The following ANO3 variants were observed in gnomAD, a reference collection of about 807,000 sequenced individuals.
The protein encoded by ANO3 is anoctamin 3, also known as anoctamin-3.
Under a neutral mutation model 144.8 loss-of-function variants are expected in ANO3, and 99 were observed. The observed-to-expected ratio is 0.68, with a 90% CI of 0.58 to 0.81. ANO3 has a LOEUF of 0.81. Ranked by LOEUF, ANO3 falls within the 30% of genes least tolerant of loss-of-function variation. ANO3 has a pLI of 0.00. For synonymous variants in ANO3, 414 were observed against 392.6 expected (o/e 1.05, Z -0.64); for missense variants, 905 against 1,202.2 (o/e 0.75, Z 3.66).
At chr11:26,487,218 T>C (rs1860487029) in intron 4 of ANO3, among the ~76,000 whole-genome samples, 1 of 152,220 alleles carries the variant, frequency 6.6e-6, no homozygotes, top group Non-Finnish European at 1.5e-5. Flanking sequence ...GGGGCCAGTC[T>C]TTCCCACGCT....
At chr11:26,215,935 C>T (rs1365767202) in intron 1 of ANO3, among the ~76,000 whole-genome samples, 2 of 151,892 alleles carry the variant, frequency 1.3e-5, no homozygotes, top group African/African-American at 4.8e-5. Flanking sequence ...TTAACCCATA[C>T]CCCCATTCAA....
At chr11:26,471,892 C>A (rs1247093697) in intron 4 of ANO3, among the ~76,000 whole-genome samples, 1 of 151,964 alleles carries the variant, frequency 6.6e-6, no homozygotes, top group Non-Finnish European at 1.5e-5. Context: ...ATAGAGGTTT[C>A]TCGAATCACC....
At chr11:26,501,583 A>G (rs1861195546) in intron 4 of ANO3, among the ~76,000 whole-genome samples, 1 of 152,100 alleles carries the variant, frequency 6.6e-6, no homozygotes, top group South Asian at 2.1e-4. Context: ...ATCAGTAATC[A>G]AGAATATTCT....
chr11:26,599,052 A>G (rs1267829800), intron 16 of ANO3, 54 bp downstream of exon 16: 5 of 1,565,278 alleles, frequency 3.2e-6, no homozygotes, highest in Non-Finnish European at 4.4e-6. Context: ...TTTAGAAGTA[A>G]GTTCAATGAT....
intron 1 of ANO3, among the ~76,000 whole-genome samples, chr11:26,438,268 AG>A (rs1266045237): frequency 1.3e-5 from 2 of 152,210 alleles, no homozygotes; most frequent in Non-Finnish European, 2.9e-5. Context: ...CCTGACCAAA[AG>A]CATGAACTAT....
chr11:26,534,314 T>C (rs975247278), intron 8 of ANO3, 142 bp from the exon 9 acceptor site: 1 of 545,618 alleles, frequency 1.8e-6, no homozygotes, highest in African/African-American at 1.9e-5. Context: ...GAATTCTTTT[T>C]CTCTGTCAAT....
chr11:26,234,660 A>G (rs1852475725), intron 1 of ANO3, among the ~76,000 whole-genome samples: 1 of 152,180 alleles, frequency 6.6e-6, no homozygotes, highest in African/African-American at 2.4e-5. Flanking sequence ...TGTATGACCT[A>G]TACTCACCAT....
intron 1 of ANO3, among the ~76,000 whole-genome samples, chr11:26,275,946 G>C (rs1476583066): frequency 2.6e-5 from 4 of 152,058 alleles, no homozygotes; most frequent in African/African-American, 9.7e-5. Flanking sequence ...TGTATTCACT[G>C]TCATTTGTTC....
upstream of ANO3, among the ~76,000 whole-genome samples, chr11:26,306,888 G>A (rs1854396792): frequency 7.0e-6 from 1 of 143,102 alleles, no homozygotes; most frequent in South Asian, 2.2e-4. Flanking sequence ...GGTAATTTGA[G>A]GTTTCTTTTG....
At chr11:26,630,547 AT>A (rs1421286531) in intron 18 of ANO3, among the ~76,000 whole-genome samples, 1 of 65,480 alleles carries the variant, frequency 1.5e-5, no homozygotes, top group Non-Finnish European at 4.4e-5. Context: ...TGTAGCTTTT[AT>A]TATCACACAG....
At chr11:26,492,880 G>A (rs1860765876) in intron 4 of ANO3, among the ~76,000 whole-genome samples, 1 of 152,164 alleles carries the variant, frequency 6.6e-6, no homozygotes, top group Non-Finnish European at 1.5e-5. Flanking sequence ...TGCTAGTTAA[G>A]AAGCAAAACC....
chr11:26,630,991 T>C (rs1014030643), intron 18 of ANO3, among the ~76,000 whole-genome samples: 2 of 151,910 alleles, frequency 1.3e-5, no homozygotes, highest in African/African-American at 4.8e-5. Flanking sequence ...TTTTTTTAGT[T>C]AATGCACTGG....
intron 1 of ANO3, among the ~76,000 whole-genome samples, chr11:26,243,387 A>G (rs1370069557): frequency 6.6e-6 from 1 of 151,850 alleles, no homozygotes; most frequent in African/African-American, 2.4e-5. Flanking sequence ...TTGCAAGAAT[A>G]GAAGCTTTGA....
At chr11:26,241,997 G>A (rs1380150249) in intron 1 of ANO3, among the ~76,000 whole-genome samples, 7 of 152,094 alleles carry the variant, frequency 4.6e-5, no homozygotes, top group African/African-American at 1.4e-4. Flanking sequence ...GTAACAGAGA[G>A]GATATAACAT....
chr11:26,624,723 T>G (rs1041263362), intron 18 of ANO3, among the ~76,000 whole-genome samples: 8 of 152,180 alleles, frequency 5.3e-5, no homozygotes, highest in African/African-American at 1.9e-4. Flanking sequence ...GCACACCTAG[T>G]TCTTCCTACT....
chr11:26,343,976 A>C (rs1855431315), intron 1 of ANO3, among the ~76,000 whole-genome samples: 1 of 152,238 alleles, frequency 6.6e-6, no homozygotes, highest in Admixed American at 6.5e-5. Context: ...ATTCAAATTT[A>C]ACACACTTTC....
chr11:26,210,082 T>C (rs1851901390), intron 1 of ANO3, among the ~76,000 whole-genome samples: 3 of 152,170 alleles, frequency 2.0e-5, no homozygotes, highest in Admixed American at 1.3e-4. Context: ...CTGAATGGTA[T>C]TGACTAGGTT....
chr11:26,615,474 G>A (rs1213705253), intron 17 of ANO3, among the ~76,000 whole-genome samples: 1 of 150,238 alleles, frequency 6.7e-6, no homozygotes, highest in Non-Finnish European at 1.5e-5. Context: ...TTGGACACAG[G>A]CAAAGCAGAA....
At chr11:26,489,471 C>G (rs868124499) in intron 4 of ANO3, among the ~76,000 whole-genome samples, 9 of 152,332 alleles carry the variant, frequency 5.9e-5, no homozygotes, top group Middle Eastern at 6.8e-3. Context: ...GTAGTCTCTA[C>G]TGGGGCACTG....
Sources: gnomAD v4.1 joint callset for allele counts (sites outside exome capture counted in the v4.1 genomes callset) on GRCh38, gnomAD v4.1.1 for gene constraint, MANE v1.5 for transcripts, NCBI Gene and HGNC (gene_info 2026-07-23, HGNC 2026-07-21) for gene names.